MAGI2: variants seen among roughly 807,000 people sequenced by gnomAD.
MAGI2 encodes the protein membrane associated guanylate kinase, WW and PDZ domain containing 2, also known as membrane-associated guanylate kinase, WW and PDZ domain-containing protein 2.
MAGI2 carries 35 observed loss-of-function variants against 133.3 expected under a neutral mutation model. That is an observed-to-expected ratio of 0.26 (90% CI 0.20 to 0.35). MAGI2 has a LOEUF of 0.35. Among genes scored for constraint, MAGI2 ranks in the 10% least tolerant of loss-of-function variants. MAGI2 has a pLI of 1.00. For missense variants in MAGI2, 1,636 were observed against 1,863.4 expected, an observed-to-expected ratio of 0.88 and a Z score of 2.25; for synonymous variants, 729 against 710.6, an observed-to-expected ratio of 1.03 and a Z score of -0.41.
intron 2 of MAGI2, among the ~76,000 whole-genome samples, chr7:78,959,508 A>AGG (rs1802671622): frequency 6.6e-6 from 1 of 151,372 alleles, no homozygotes; most frequent in Non-Finnish European, 1.5e-5. Context: ...AGAGAATGAG[A>AGG]CACTACCTGT....
At chr7:78,085,551 C>CACAT (rs776757122) in intron 20 of MAGI2, among the ~76,000 whole-genome samples, 3 of 61,154 alleles carry the variant, frequency 4.9e-5, no homozygotes, top group Non-Finnish European at 7.0e-5. Flanking sequence ...ATAAAACTCC[C>CACAT]ACACACACAC....
At chr7:78,475,135 A>G (rs1466473454) in intron 6 of MAGI2, among the ~76,000 whole-genome samples, 1 of 151,998 alleles carries the variant, frequency 6.6e-6, no homozygotes, top group South Asian at 2.1e-4. Flanking sequence ...AGATCCATGA[A>G]TGCTACTATC....
intron 3 of MAGI2, among the ~76,000 whole-genome samples, chr7:78,603,902 C>A (rs1805489256): frequency 6.6e-6 from 1 of 152,160 alleles, no homozygotes; most frequent in Non-Finnish European, 1.5e-5. Context: ...TTGTTGAACA[C>A]CTACTATATG....
chr7:79,386,571 A>C (rs1420607536), intron 1 of MAGI2, among the ~76,000 whole-genome samples: 1 of 152,102 alleles, frequency 6.6e-6, no homozygotes, highest in South Asian at 2.1e-4. Flanking sequence ...AATAAGATGG[A>C]ATAGCCAAGC....
chr7:79,031,953 A>G (rs2116821284), intron 1 of MAGI2, among the ~76,000 whole-genome samples: 1 of 152,272 alleles, frequency 6.6e-6, no homozygotes, highest in South Asian at 2.1e-4. Flanking sequence ...CACATCAGGT[A>G]TGAAACTATA....
chr7:78,100,036 A>G (rs1001040959), intron 20 of MAGI2, among the ~76,000 whole-genome samples: 2 of 152,142 alleles, frequency 1.3e-5, no homozygotes, highest in African/African-American at 2.4e-5. Flanking sequence ...CTGAGTTGTT[A>G]TTTTCACTAG....
chr7:79,419,971 G>A (rs1846827809), intron 1 of MAGI2, among the ~76,000 whole-genome samples: 1 of 152,042 alleles, frequency 6.6e-6, no homozygotes, highest in African/African-American at 2.4e-5. Flanking sequence ...TTAATCAGCA[G>A]CCCATATTGG....
At chr7:78,023,924 C>T (rs2903935) in intron 21 of MAGI2, among the ~76,000 whole-genome samples, 135,635 of 152,272 alleles carry the variant, frequency 0.89, 60,672 homozygotes, top group East Asian at 1. Context: ...TTACATTGTG[C>T]TGGGTATTAT....
chr7:79,330,664 A>AT (rs142787915), intron 1 of MAGI2, among the ~76,000 whole-genome samples: 7,178 of 151,732 alleles, frequency 0.047, 273 homozygotes, highest in African/African-American at 0.1. Context: ...TTTAGCACTC[A>AT]TTTTTTTTAG....
chr7:78,156,392 G>A (rs1824387769), intron 16 of MAGI2, among the ~76,000 whole-genome samples: 1 of 152,154 alleles, frequency 6.6e-6, no homozygotes, highest in African/African-American at 2.4e-5. Context: ...CTGACTAATG[G>A]CTAACAGAAC....
intron 1 of MAGI2, among the ~76,000 whole-genome samples, chr7:79,028,865 T>A (rs933686733): frequency 2.0e-5 from 3 of 152,190 alleles, no homozygotes; most frequent in African/African-American, 4.8e-5. Context: ...GGGGTTTTTT[T>A]ATAAATTACC....
At chr7:78,478,709 A>T (rs1321906525) in intron 6 of MAGI2, among the ~76,000 whole-genome samples, 1 of 151,930 alleles carries the variant, frequency 6.6e-6, no homozygotes, top group South Asian at 2.1e-4. Flanking sequence ...TTCACAAAAG[A>T]CCCTGAAAGG....
In MAGI2 at chr7:78,049,539, T is replaced by A. The variant is rs147488231; in HGVS notation, c.3706+29408A>T. 4.4e-4 allele frequency among the ~76,000 whole-genome samples: 67 copies of A among 152,348 alleles called. No individual in the cohort carries two copies. In the East Asian group the frequency reaches 0.011, roughly 24 times the overall value. On this transcript the variant is annotated intron_variant, in intron 21 of 21. Coordinates refer to ENST00000354212, the MANE Select transcript of MAGI2 (RefSeq NM_012301.4). ...GCTGAGAGCTCGGTAGTTACTCTTG[T>A]AATCTGCTCTTGCCTATAACAAATG...
At chr7:79,174,955 GAACCTAA>G in intron 1 of MAGI2, among the ~76,000 whole-genome samples, 1 of 151,938 alleles carries the variant, frequency 6.6e-6, no homozygotes, top group South Asian at 2.1e-4. Context: ...AATATATCAA[GAACCTAA>G]ATGTTAGTGC....
intron 2 of MAGI2, among the ~76,000 whole-genome samples, chr7:78,890,389 T>TCCTA (rs1167113772): frequency 1.6e-4 from 24 of 152,300 alleles, no homozygotes; most frequent in South Asian, 6.2e-4. Context: ...AATAGACATC[T>TCCTA]ACAGAACTCT....
intron 1 of MAGI2, among the ~76,000 whole-genome samples, chr7:79,177,754 G>C (rs1323831608): frequency 6.6e-6 from 1 of 151,928 alleles, no homozygotes; most frequent in Non-Finnish European, 1.5e-5. Context: ...ATATTATAAG[G>C]TGTCTGATTT....
chr7:78,038,009 CAG>C (rs1810412468), intron 21 of MAGI2, among the ~76,000 whole-genome samples: 1 of 152,220 alleles, frequency 6.6e-6, no homozygotes, highest in Non-Finnish European at 1.5e-5. Context: ...GTCACCTACT[CAG>C]AGAGGCCTCT....
intron 10 of MAGI2, among the ~76,000 whole-genome samples, chr7:78,242,304 A>G (rs1791239669): frequency 6.6e-6 from 1 of 152,222 alleles, no homozygotes; most frequent in African/African-American, 2.4e-5. Flanking sequence ...GTCCTAGGGC[A>G]TGAATCTTCA....
intron 2 of MAGI2, among the ~76,000 whole-genome samples, chr7:78,956,280 A>T (rs1802372835): frequency 6.6e-6 from 1 of 152,160 alleles, no homozygotes; most frequent in Admixed American, 6.6e-5. Context: ...GCATTATGTT[A>T]ATAAATGCAG....
Sources: gnomAD v4.1 joint callset for allele counts (sites outside exome capture counted in the v4.1 genomes callset) on GRCh38, gnomAD v4.1.1 for gene constraint, MANE v1.5 for transcripts, NCBI Gene and HGNC (gene_info 2026-07-23, HGNC 2026-07-21) for gene names.